SFI1: variants seen among roughly 807,000 people sequenced by gnomAD.
The protein encoded by SFI1 is protein SFI1 homolog.
Under a neutral mutation model 207.5 loss-of-function variants are expected in SFI1, and 195 were observed. That is an observed-to-expected ratio of 0.94 (90% confidence interval 0.84 to 1.06). The LOEUF (loss-of-function observed/expected upper bound fraction) is 1.06, where lower values mean the gene tolerates loss of function less well. Among genes scored for constraint, SFI1 ranks in the 50% least tolerant of loss-of-function variants. The pLI is 0.00. For synonymous variants in SFI1, 630 were observed against 598.9 expected, an observed-to-expected ratio of 1.05 and a Z score of -0.76; for missense variants, 1,634 against 1,588.0, an observed-to-expected ratio of 1.03 and a Z score of -0.49.
chr22:31,596,477 G>A (rs894124279), intron 15 of SFI1, among the ~76,000 whole-genome samples: 6 of 152,014 alleles, frequency 3.9e-5, no homozygotes, highest in Non-Finnish European at 8.8e-5. Context: ...TGTATTGTGG[G>A]CTGGTATAAG....
rs1418345810 is a variant in SFI1, at chr22:31,575,139, C to G, written c.923-92C>G. The G allele has an allele frequency of 1.3e-5, 15 of 1,195,434 alleles. No homozygotes were observed. The East Asian group carries it at 1.8e-4, about 15-fold the overall frequency. The allele number at this position is 1,195,434 out of a possible 1,614,324, so 74.1% of individuals were successfully genotyped here. ...GTGTGTGTGGCCTTGAACCCCTGCT[C>G]TCTGCCAGTAGTGGGGTTCAGCTTG... is the stretch of plus-strand genomic sequence containing the variant. On this transcript the variant is annotated intron_variant, in intron 9 of 32. Coordinates refer to ENST00000400288, the MANE Select transcript of SFI1 (RefSeq NM_001007467.3).
chr22:31,535,127 A>G (rs1299273543), intron 4 of SFI1, among the ~76,000 whole-genome samples: 3 of 150,824 alleles, frequency 2.0e-5, no homozygotes, highest in African/African-American at 4.9e-5. Context: ...TCAGCCTCCC[A>G]AAGTGCCGGG....
chr22:31,556,639 T>A (rs570812513), intron 6 of SFI1, among the ~76,000 whole-genome samples: 2 of 152,362 alleles, frequency 1.3e-5, no homozygotes, highest in South Asian at 4.1e-4. Context: ...TTTATTCATA[T>A]CATTTCGTCT....
intron 8 of SFI1, among the ~76,000 whole-genome samples, chr22:31,562,078 T>C (rs116756526): frequency 0.013 from 1,959 of 152,298 alleles, 41 homozygotes; most frequent in African/African-American, 0.045. Flanking sequence ...GCAAATAGCA[T>C]ATATAGTCAT....
chr22:31,505,869 A>G (rs1056409566), intron 1 of SFI1, among the ~76,000 whole-genome samples: 3 of 151,524 alleles, frequency 2.0e-5, no homozygotes, highest in Non-Finnish European at 2.9e-5. Context: ...GGATAATAAC[A>G]TGAGACCCTG....
chr22:31,588,497 A>G (rs1174852047), intron 14 of SFI1, among the ~76,000 whole-genome samples: 2 of 152,146 alleles, frequency 1.3e-5, no homozygotes, highest in Non-Finnish European at 2.9e-5. Flanking sequence ...GGAGCAAATA[A>G]TTTGCAGCCA....
intron 2 of SFI1, among the ~76,000 whole-genome samples, chr22:31,516,702 C>T (rs1264621489): frequency 6.6e-6 from 1 of 151,860 alleles, no homozygotes; most frequent in African/African-American, 2.4e-5. Context: ...TGCCTGTAAT[C>T]CCAGCACTTC....
intron 12 of SFI1, among the ~76,000 whole-genome samples, chr22:31,582,218 A>ATTTT: frequency 3.4e-5 from 1 of 29,152 alleles, no homozygotes; most frequent in Non-Finnish European, 6.4e-5. Flanking sequence ...ATATATATAT[A>ATTTT]TATATATATA....
intron 18 of SFI1, 41 bp downstream of exon 18, chr22:31,603,860 G>C (rs16989312): frequency 0.046 from 70,776 of 1,554,580 alleles, 1,701 homozygotes; most frequent in African/African-American, 0.053. Context: ...TATGACTTTT[G>C]GACAGGTGGG....
intron 8 of SFI1, among the ~76,000 whole-genome samples, chr22:31,562,744 C>T (rs2061845516): frequency 6.6e-6 from 1 of 151,788 alleles, no homozygotes; most frequent in African/African-American, 2.4e-5. Context: ...CGCCATCATC[C>T]TGCCTCAGCC....
intron 24 of SFI1, 116 bp downstream of exon 24, chr22:31,611,956 C>T: frequency 6.8e-7 from 1 of 1,467,224 alleles, no homozygotes; most frequent in Non-Finnish European, 9.0e-7. Flanking sequence ...TACTATCACC[C>T]TCCCCAGGGC....
At chr22:31,581,911 C>T (rs977350937) in intron 12 of SFI1, among the ~76,000 whole-genome samples, 1 of 151,930 alleles carries the variant, frequency 6.6e-6, no homozygotes. Context: ...CTAAATATTT[C>T]AGCATGCGTC....
At chr22:31,610,488 C>T (rs1569458489) in intron 22 of SFI1, among the ~76,000 whole-genome samples, 1 of 152,226 alleles carries the variant, frequency 6.6e-6, no homozygotes, top group Non-Finnish European at 1.5e-5. Flanking sequence ...GAGGGCTCCT[C>T]ATCTTGGCAT....
At chr22:31,613,918 C>A in intron 27 of SFI1, 63 bp downstream of exon 27, 1 of 1,510,398 alleles carries the variant, frequency 6.6e-7, no homozygotes, top group Non-Finnish European at 8.8e-7. Flanking sequence ...GATGGCATAG[C>A]AGGGAGGAAA....
intron 21 of SFI1, 69 bp downstream of exon 21, chr22:31,606,499 G>A (rs1229142626): frequency 2.4e-6 from 3 of 1,274,996 alleles, no homozygotes; most frequent in East Asian, 2.4e-5. Flanking sequence ...GGCGTGGGAT[G>A]TAGGGGGTGG....
chr22:31,563,712 A>C (rs1014220452), intron 8 of SFI1, among the ~76,000 whole-genome samples: 1 of 152,002 alleles, frequency 6.6e-6, no homozygotes, highest in Non-Finnish European at 1.5e-5. Context: ...CAGCCTCCCA[A>C]GTAGCTGGGA....
At chr22:31,594,011 A>G (rs146979736) in intron 15 of SFI1, among the ~76,000 whole-genome samples, 1,527 of 43,794 alleles carry the variant, frequency 0.035, 15 homozygotes, top group Middle Eastern at 0.078. Context: ...AGGGACAGGG[A>G]GAGGGAGAGG....
At chr22:31,526,114 T>C (rs1303014397) in intron 2 of SFI1, among the ~76,000 whole-genome samples, 3 of 152,182 alleles carry the variant, frequency 2.0e-5, no homozygotes, top group Non-Finnish European at 2.9e-5. Flanking sequence ...TTAAGTTTTA[T>C]TTTTTGGGAG....
chr22:31,587,144 A>G (rs1232769339), intron 14 of SFI1, among the ~76,000 whole-genome samples: 1 of 152,236 alleles, frequency 6.6e-6, no homozygotes, highest in Non-Finnish European at 1.5e-5. Flanking sequence ...TGTACTGAAC[A>G]TATTCAGACC....
Sources: gnomAD v4.1 joint callset for allele counts (sites outside exome capture counted in the v4.1 genomes callset) on GRCh38, gnomAD v4.1.1 for gene constraint, MANE v1.5 for transcripts, NCBI Gene and HGNC (gene_info 2026-07-23, HGNC 2026-07-21) for gene names.